Variants in EMC3 observed in about 807,000 individuals in gnomAD.
EMC3 encodes the protein 30 kDa protein.
Under a neutral mutation model 36.6 loss-of-function variants are expected in EMC3, and 13 were observed. The observed-to-expected ratio is 0.35, with a 90% CI of 0.23 to 0.56. EMC3 has a LOEUF of 0.56. Ranked by LOEUF, EMC3 falls within the 20% of genes least tolerant of loss-of-function variation. The probability of loss-of-function intolerance (pLI) is 0.84; values close to 1 mark genes in which losing one functional copy is unlikely to be tolerated. For missense variants in EMC3, 220 were observed against 324.5 expected (o/e 0.68, Z 2.47); for synonymous variants, 120 against 111.9 (o/e 1.07, Z -0.46).
At chr3:9,987,941 A>T, upstream of EMC3, 1 of 1,036,580 alleles carries the variant, frequency 9.6e-7, no homozygotes, top group Non-Finnish European at 1.5e-6. Context: ...TGGATCCTGC[A>T]GCATTGTGTT....
chr3:9,976,265 TA>T (rs1235840385), intron 3 of EMC3, among the ~76,000 whole-genome samples: 1 of 151,936 alleles, frequency 6.6e-6, no homozygotes, highest in African/African-American at 2.4e-5. Context: ...ACCACCACGC[TA>T]GGCTAATTTT....
At chr3:9,998,107 C>T (rs1190099576) in intron 1 of EMC3, among the ~76,000 whole-genome samples, 2 of 151,974 alleles carry the variant, frequency 1.3e-5, no homozygotes, top group Non-Finnish European at 2.9e-5. Flanking sequence ...TGGCTCACAC[C>T]TGTAATCCCA....
At chr3:9,993,134 A>G (rs1289763741) in intron 1 of EMC3, 1 of 663,542 alleles carries the variant, frequency 1.5e-6, no homozygotes, top group East Asian at 2.7e-5. Flanking sequence ...TTATTTTTGC[A>G]TTAACATTTT....
At chr3:9,968,819 ATT>A (rs561309442) in intron 7 of EMC3, 90 of 128,898 alleles carry the variant, frequency 7.0e-4, no homozygotes, top group Non-Finnish European at 7.6e-4. Context: ...TCATTTTTGT[ATT>A]TTTTTTTTTT....
chr3:9,989,888 TAAG>T, upstream of EMC3, among the ~76,000 whole-genome samples: 1 of 152,222 alleles, frequency 6.6e-6, no homozygotes, highest in South Asian at 2.1e-4. Context: ...TTTGGTGTCC[TAAG>T]AAGTGGAGCA....
At chr3:9,967,568 A>T (rs1202560896) in intron 7 of EMC3, among the ~76,000 whole-genome samples, 1 of 152,172 alleles carries the variant, frequency 6.6e-6, no homozygotes, top group East Asian at 1.9e-4. Flanking sequence ...CCATTGACCT[A>T]TATCTCTCCT....
Position 9,977,028 on chromosome 3 carries a change from T to C in EMC3, c.236A>G (p.Tyr79Cys). 6.2e-7 allele frequency: 1 copy of C among 1,602,372 alleles called. No homozygotes were observed. The highest frequency in any genetic ancestry group is 1.1e-5 in the South Asian group (1 of 88,608). The change falls in exon 3 of 8, where the codon TAT becomes TGT. Residue 79 changes from tyrosine (Y) to cysteine (C), a missense_variant. Tyr to Cys is a radical substitution (Grantham distance 194, BLOSUM62 -2). This residue lies in a region of EMC3 where 127 missense variants were observed against 174.6 expected (regional missense o/e 0.73). Transcript: ENST00000245046. Reference sequence around the variant, plus strand: ...AAATCCATCCTCTGGGTTGTTGAAATAATATTTTCGTGTCAAGAAAGACTA... The same window carrying C: ...AAATCCATCCTCTGGGTTGTTGAAACAATATTTTCGTGTCAAGAAAGACTA... ...PKQSFLTRKY[Y>C]FNNPEDGFFK...
intron 7 of EMC3, 50 bp downstream of exon 7, chr3:9,969,669 G>A (rs2085766009): frequency 1.9e-6 from 3 of 1,613,738 alleles, no homozygotes; most frequent in African/African-American, 2.7e-5. Context: ...ATAGCTCTTG[G>A]TAACACCTTT....
At chr3:10,002,302 A>ATTTTATTTTATTTTATTTTATTTTT (rs1330157856) in intron 1 of EMC3, among the ~76,000 whole-genome samples, 1 of 148,768 alleles carries the variant, frequency 6.7e-6, no homozygotes, top group African/African-American at 2.5e-5. Flanking sequence ...ATTTTATTTT[A>ATTTTATTTTATTTTATTTTATTTTT]TTTTGAGATA....
At chr3:9,998,075 A>C (rs906402013) in intron 1 of EMC3, among the ~76,000 whole-genome samples, 2 of 152,068 alleles carry the variant, frequency 1.3e-5, no homozygotes, top group African/African-American at 4.8e-5. Context: ...TTTCTTAAAA[A>C]ATGTTTTATG....
chr3:10,006,608 A>G (rs2086265239), intron 1 of EMC3: 1 of 190,200 alleles, frequency 5.3e-6, no homozygotes, highest in Admixed American at 5.9e-5. Flanking sequence ...AGTAGCAAGT[A>G]GATCGATGGT....
intron 1 of EMC3, among the ~76,000 whole-genome samples, chr3:9,998,749 C>T (rs1459112691): frequency 1.3e-5 from 2 of 151,984 alleles, no homozygotes; most frequent in Non-Finnish European, 2.9e-5. Context: ...AAGTCCTTTA[C>T]CCATTTTTGT....
At chr3:10,002,635 C>T (rs1256261973) in intron 1 of EMC3, 2 of 374,436 alleles carry the variant, frequency 5.3e-6, no homozygotes, top group Non-Finnish European at 1.1e-5. Flanking sequence ...CCCCTCCACC[C>T]AGAGCAACAG....
At chr3:9,987,612 C>A (rs573081322), upstream of EMC3, among the ~76,000 whole-genome samples, 1 of 152,184 alleles carries the variant, frequency 6.6e-6, no homozygotes, top group Non-Finnish European at 1.5e-5. Flanking sequence ...TTGACTAATC[C>A]GGATAGCATT....
chr3:9,985,724 T>C (rs575607158), intron 1 of EMC3, among the ~76,000 whole-genome samples: 1 of 152,194 alleles, frequency 6.6e-6, no homozygotes, highest in East Asian at 1.9e-4. Context: ...TGAAACCCTG[T>C]CTCTACTAAA....
intron 5 of EMC3, among the ~76,000 whole-genome samples, chr3:9,972,256 C>T (rs535294524): frequency 1.3e-5 from 2 of 152,082 alleles, no homozygotes; most frequent in African/African-American, 4.8e-5. Flanking sequence ...AACTTCCACT[C>T]CCATAAGCTC....
intron 1 of EMC3, among the ~76,000 whole-genome samples, chr3:9,997,688 G>T (rs776986790): frequency 5.9e-5 from 9 of 151,832 alleles, no homozygotes; most frequent in Non-Finnish European, 7.4e-5. Flanking sequence ...TCAAACGGCT[G>T]ACCTCAGGTA....
chr3:10,005,162 T>C (rs1443040625), intron 1 of EMC3: 1 of 151,036 alleles, frequency 6.6e-6, no homozygotes, highest in Non-Finnish European at 1.5e-5. Context: ...CCACCAGATA[T>C]ACCACTATGG....
Position 9,963,456 on chromosome 3 carries a change from T to TAGATATAG in EMC3, c.*612_*613insCTATATCT, listed in dbSNP as rs758502481. On this transcript the variant is annotated 3_prime_UTR_variant, in exon 8 of 8. Transcript: ENST00000245046. ...AAGACTGGGCTTCTGCTAAGATAGA[T>TAGATATAG]ATATATATATATATATATATATTTT... 2.0e-5 allele frequency: 2 copies of TAGATATAG among 100,772 alleles called. No individual in the cohort carries two copies. The highest frequency in any genetic ancestry group is 4.1e-5 in the Non-Finnish European group (2 of 48,710). 6.2% of individuals were successfully genotyped at this position (100,772 alleles called of 1,614,324 possible).
Sources: allele counts gnomAD v4.1 joint callset (sites outside exome capture counted in the v4.1 genomes callset), GRCh38; gene constraint gnomAD v4.1.1; regional missense constraint gnomAD v4.1.1; transcripts MANE v1.5; gene names NCBI Gene and HGNC (gene_info 2026-07-23, HGNC 2026-07-21).